The following C9orf85 variants were observed in gnomAD, a reference collection of about 807,000 sequenced individuals.
C9orf85 encodes the protein chromosome 9 open reading frame 85, also known as uncharacterized protein C9orf85.
C9orf85 carries 16 observed loss-of-function variants against 14.9 expected under a neutral mutation model. The observed-to-expected ratio is 1.08, with a 90% confidence interval of 0.73 to 1.63. The LOEUF (loss-of-function observed/expected upper bound fraction) is 1.63. Among genes scored for constraint, C9orf85 ranks in the 40% most tolerant of loss-of-function variants. The probability of loss-of-function intolerance (pLI) is 0.00; values close to 1 mark genes in which losing one functional copy is unlikely to be tolerated. For missense variants in C9orf85, 172 were observed against 186.1 expected (o/e 0.92, Z 0.44); for synonymous variants, 45 against 56.8 (o/e 0.79, Z 0.93).
intron 1 of C9orf85, among the ~76,000 whole-genome samples, chr9:71,946,332 G>T (rs1369606515): frequency 2.0e-5 from 3 of 152,132 alleles, no homozygotes; most frequent in Non-Finnish European, 2.9e-5. Flanking sequence ...TCACGGGGAG[G>T]ATTTGAATTG....
chr9:71,918,639 G>T, intron 1 of C9orf85: 1 of 330,548 alleles, frequency 3.0e-6, no homozygotes, highest in Non-Finnish European at 6.1e-6. Context: ...TGTCAGATCA[G>T]CTCTGGCATT....
intron 2 of C9orf85, among the ~76,000 whole-genome samples, chr9:71,958,979 C>T (rs1038897619): frequency 1.3e-5 from 2 of 152,126 alleles, no homozygotes; most frequent in African/African-American, 4.8e-5. Context: ...GCCTTTTCTC[C>T]TATTAGTCAA....
intron 1 of C9orf85, among the ~76,000 whole-genome samples, chr9:71,915,185 T>TG (rs11430378): frequency 7.8e-6 from 1 of 128,558 alleles, no homozygotes; most frequent in Non-Finnish European, 1.6e-5. Flanking sequence ...TTATTATTAT[T>TG]TTTTTTTTTT....
At chr9:71,949,116 AT>A (rs572634355) in intron 2 of C9orf85, among the ~76,000 whole-genome samples, 98 of 152,324 alleles carry the variant, frequency 6.4e-4, no homozygotes, top group Middle Eastern at 3.4e-3. Flanking sequence ...ACAAGTTTTT[AT>A]TCCTATAAAG....
At chr9:71,959,559 A>G (rs1056848252) in intron 2 of C9orf85, among the ~76,000 whole-genome samples, 2 of 152,218 alleles carry the variant, frequency 1.3e-5, no homozygotes, top group Non-Finnish European at 2.9e-5. Context: ...GTAAGCTAGT[A>G]AACAGTATAC....
At chr9:71,956,455 G>T (rs967355335) in intron 2 of C9orf85, among the ~76,000 whole-genome samples, 6 of 151,774 alleles carry the variant, frequency 4.0e-5, no homozygotes, top group African/African-American at 1.5e-4. Flanking sequence ...CTTCATGTTG[G>T]TCAGGCTGGT....
rs548233237 is a variant in C9orf85 at position 71,915,472 on chromosome 9, C to G, written c.102+3636C>G. On this transcript the variant is annotated intron_variant, in intron 1 of 3. Coordinates refer to ENST00000334731, the MANE Select transcript of C9orf85 (RefSeq NM_182505.5). ...GATTACAGGTGTGAGCCACCGTACC[C>G]AGCTACAAAAATATTTTTAAGAAAT... is the stretch of plus-strand genomic sequence containing the variant. Among the ~76,000 whole-genome samples the G allele has an allele frequency of 2.0e-5, 3 of 151,856 alleles. No individual in the cohort carries two copies. In the South Asian group the frequency reaches 6.2e-4, roughly 32 times the overall value.
intron 1 of C9orf85, among the ~76,000 whole-genome samples, chr9:71,934,405 T>C (rs1216251452): frequency 1.3e-5 from 2 of 152,204 alleles, no homozygotes; most frequent in East Asian, 1.9e-4. Flanking sequence ...TTCTCTTTGT[T>C]TGGCGTCTTG....
chr9:71,913,769 G>A (rs947313641), intron 1 of C9orf85, among the ~76,000 whole-genome samples: 1 of 152,020 alleles, frequency 6.6e-6, no homozygotes, highest in Non-Finnish European at 1.5e-5. Context: ...TCTCCTACTT[G>A]TACTTTTCAT....
chr9:71,933,967 C>G (rs1828130377), intron 1 of C9orf85, among the ~76,000 whole-genome samples: 1 of 152,154 alleles, frequency 6.6e-6, no homozygotes, highest in African/African-American at 2.4e-5. Flanking sequence ...GCTCCCATTT[C>G]AAGATGCCCC....
chr9:71,951,338 G>A (rs544218850), intron 2 of C9orf85, among the ~76,000 whole-genome samples: 9 of 152,294 alleles, frequency 5.9e-5, no homozygotes, highest in South Asian at 4.1e-4. Context: ...ACTTATCAGC[G>A]ATACATAAAC....
chr9:71,925,483 A>G (rs1304068239), intron 1 of C9orf85, among the ~76,000 whole-genome samples: 1 of 152,234 alleles, frequency 6.6e-6, no homozygotes, highest in African/African-American at 2.4e-5. Flanking sequence ...AAAAAGAACT[A>G]TGATACCAAA....
intron 1 of C9orf85, among the ~76,000 whole-genome samples, chr9:71,927,266 CAAAAAAAA>C (rs61679762): frequency 0.02 from 2,189 of 106,790 alleles, 42 homozygotes; most frequent in Middle Eastern, 0.04. Flanking sequence ...GAAAGTTTGT[CAAAAAAAA>C]AAAAAAAAAA....
intron 2 of C9orf85, among the ~76,000 whole-genome samples, chr9:71,969,283 G>A (rs1822793103): frequency 1.3e-5 from 2 of 151,996 alleles, no homozygotes; most frequent in South Asian, 2.1e-4. Context: ...CAAGTAGCTG[G>A]GATTACACCA....
exon 4 of C9orf85, chr9:71,982,902 G>A (rs1308121016): frequency 8.1e-6 from 2 of 247,348 alleles, no homozygotes; most frequent in African/African-American, 2.4e-5. Context: ...CCAAAGTGCT[G>A]GAATTACAGG....
downstream of C9orf85, among the ~76,000 whole-genome samples, chr9:71,976,587 G>C (rs1208217872): frequency 1.3e-5 from 2 of 151,750 alleles, no homozygotes. Flanking sequence ...GCATGAACCC[G>C]GGAGGCGGAG....
At chr9:71,912,012 G>A in intron 1 of C9orf85, 176 bp downstream of exon 1, 1 of 676,438 alleles carries the variant, frequency 1.5e-6, no homozygotes, top group Non-Finnish European at 2.7e-6. Context: ...CTTTGACCTG[G>A]ACATGTTGTC....
At position 71,982,724 on chromosome 9, in the gene C9orf85, C is replaced by T. The variant is rs1468048783; in HGVS notation, c.391C>T (p.Leu131Phe). 3 of 365,028 alleles carry T rather than the reference C, an allele frequency of 8.2e-6. No homozygotes were observed. In the Admixed American group the frequency reaches 1.1e-4, roughly 14 times the overall value. The allele number at this position is 365,028 out of a possible 1,614,324, so 22.6% of individuals were successfully genotyped here. ...GATCTTGGCTCACCACAACCTCCGC[C>T]TCCCTTGTTCAAGTGATTCTCCTGC... The change falls in exon 4 of 4, where the codon CTC (leucine) becomes TTC (phenylalanine). Residue 131 changes from leucine to phenylalanine, a missense_variant. Leu to Phe is a conservative substitution (Grantham distance 22). Transcript: ENST00000377031.
chr9:71,961,574 T>A (rs572657847), intron 2 of C9orf85, among the ~76,000 whole-genome samples: 2 of 151,918 alleles, frequency 1.3e-5, no homozygotes, highest in South Asian at 2.1e-4. Context: ...AACAAAAAAA[T>A]TGTGTCACCA....
Sources: allele counts gnomAD v4.1 joint callset (sites outside exome capture counted in the v4.1 genomes callset), GRCh38; gene constraint gnomAD v4.1.1; transcripts MANE v1.5; gene names NCBI Gene and HGNC (gene_info 2026-07-23, HGNC 2026-07-21).